The following COX7B2 variants were observed in gnomAD, a reference collection of about 807,000 sequenced individuals.
COX7B2 encodes cytochrome c oxidase subunit 7B2, also known as cytochrome c oxidase subunit 7B2, mitochondrial.
For synonymous variants in COX7B2, 37 were observed against 32.1 expected (o/e 1.15, Z -0.51); for missense variants, 109 against 95.9 (o/e 1.14, Z -0.57).
intron 2 of COX7B2, among the ~76,000 whole-genome samples, chr4:46,819,824 T>A (rs996665432): frequency 3.3e-5 from 5 of 152,256 alleles, no homozygotes; most frequent in Non-Finnish European, 7.3e-5. Flanking sequence ...AGTGTCATTG[T>A]GGCATGGTCA....
chr4:46,842,596 C>T (rs979686826), intron 2 of COX7B2, among the ~76,000 whole-genome samples: 2 of 151,864 alleles, frequency 1.3e-5, no homozygotes, highest in African/African-American at 4.8e-5. Flanking sequence ...GTTCCCCTTC[C>T]TGTGTCCATG....
chr4:46,879,423 A>G (rs1400659151), intron 1 of COX7B2, among the ~76,000 whole-genome samples: 1 of 151,324 alleles, frequency 6.6e-6, no homozygotes, highest in African/African-American at 2.4e-5. Flanking sequence ...AAAGTTTTTC[A>G]TAGGGATGGG....
chr4:46,779,624 A>G (rs1717334342), intron 2 of COX7B2, among the ~76,000 whole-genome samples: 1 of 152,154 alleles, frequency 6.6e-6, no homozygotes, highest in Admixed American at 6.5e-5. Context: ...CAATGGCTGC[A>G]CCAATCTACA....
At chr4:46,797,854 C>T (rs774419098) in intron 2 of COX7B2, among the ~76,000 whole-genome samples, 8 of 152,082 alleles carry the variant, frequency 5.3e-5, no homozygotes, top group South Asian at 2.1e-4. Context: ...GGTATGAAGC[C>T]GTTGATCTGA....
intron 2 of COX7B2, among the ~76,000 whole-genome samples, chr4:46,751,991 C>A (rs1490176979): frequency 1.3e-5 from 2 of 152,090 alleles, no homozygotes; most frequent in Admixed American, 1.3e-4. Flanking sequence ...GGCATTGAAT[C>A]TATAAGTTAC....
chr4:46,740,960 G>A (rs1306132647), intron 2 of COX7B2, among the ~76,000 whole-genome samples: 1 of 152,046 alleles, frequency 6.6e-6, no homozygotes, highest in Non-Finnish European at 1.5e-5. Context: ...ACCGAATACT[G>A]AAAGGTCAAA....
chr4:46,778,428 G>A (rs937149562), intron 2 of COX7B2, among the ~76,000 whole-genome samples: 1 of 152,010 alleles, frequency 6.6e-6, no homozygotes, highest in Non-Finnish European at 1.5e-5. Context: ...TTTTCTTATG[G>A]TAACACTGCA....
intron 2 of COX7B2, among the ~76,000 whole-genome samples, chr4:46,773,781 C>A (rs1302211826): frequency 6.6e-6 from 1 of 152,100 alleles, no homozygotes; most frequent in Non-Finnish European, 1.5e-5. Flanking sequence ...GACTTAATTT[C>A]TAAAATACAG....
chr4:46,839,923 T>C (rs1323045025), intron 2 of COX7B2, among the ~76,000 whole-genome samples: 1 of 152,046 alleles, frequency 6.6e-6, no homozygotes, highest in Non-Finnish European at 1.5e-5. Flanking sequence ...TACCATTAAC[T>C]TTTAATGCAT....
At chr4:46,818,509 C>A (rs567094040) in intron 2 of COX7B2, among the ~76,000 whole-genome samples, 1 of 151,852 alleles carries the variant, frequency 6.6e-6, no homozygotes, top group African/African-American at 2.4e-5. Context: ...TGGTGGCGAG[C>A]GCCTGTAGTC....
intron 2 of COX7B2, among the ~76,000 whole-genome samples, chr4:46,801,285 T>C (rs1718642045): frequency 6.6e-6 from 1 of 152,100 alleles, no homozygotes; most frequent in African/African-American, 2.4e-5. Flanking sequence ...TATGCACACA[T>C]ATGTTTATCA....
At chr4:46,809,325 T>C (rs1375080448) in intron 2 of COX7B2, among the ~76,000 whole-genome samples, 1 of 151,802 alleles carries the variant, frequency 6.6e-6, no homozygotes, top group African/African-American at 2.4e-5. Context: ...TTCCTTCTTC[T>C]AGTTTGTTCT....
chr4:46,781,712 G>A (rs932342608), intron 2 of COX7B2, among the ~76,000 whole-genome samples: 6 of 152,212 alleles, frequency 3.9e-5, no homozygotes, highest in South Asian at 2.1e-4. Context: ...GGCTGCGCCT[G>A]GCGCTCACCA....
chr4:46,809,114 C>T (rs1335376895), intron 2 of COX7B2, among the ~76,000 whole-genome samples: 8 of 151,754 alleles, frequency 5.3e-5, no homozygotes, highest in East Asian at 1.9e-4. Context: ...TTTAATTGTT[C>T]GTAATAGTTC....
At chr4:46,812,141 G>A (rs1462462676) in intron 2 of COX7B2, among the ~76,000 whole-genome samples, 1 of 152,062 alleles carries the variant, frequency 6.6e-6, no homozygotes, top group Non-Finnish European at 1.5e-5. Flanking sequence ...GGACACATAT[G>A]CTTGGAACAG....
intron 1 of COX7B2, among the ~76,000 whole-genome samples, chr4:46,866,199 G>T (rs1717652976): frequency 6.6e-6 from 1 of 152,204 alleles, no homozygotes; most frequent in Non-Finnish European, 1.5e-5. Context: ...GCAACTGCCT[G>T]ATTTAGGAAG....
At chr4:46,783,742 A>AAGGGC (rs934234158) in intron 2 of COX7B2, among the ~76,000 whole-genome samples, 7 of 152,200 alleles carry the variant, frequency 4.6e-5, no homozygotes, top group African/African-American at 1.7e-4. Flanking sequence ...ACAAAAAGGG[A>AAGGGC]AGGGCAGGGC....
intron 2 of COX7B2, among the ~76,000 whole-genome samples, chr4:46,815,579 TTAAAAA>T (rs1417045455): frequency 3.3e-5 from 5 of 152,158 alleles, no homozygotes; most frequent in Non-Finnish European, 5.9e-5. Context: ...TTTCAACAAA[TTAAAAA>T]TAATCTGTAT....
At chr4:46,754,712 G>A (rs1305256195) in intron 2 of COX7B2, among the ~76,000 whole-genome samples, 1 of 22,038 alleles carries the variant, frequency 4.5e-5, no homozygotes, top group Admixed American at 7.7e-4. Flanking sequence ...GTGTGTGTGT[G>A]TGTGTGTGTG....
Sources: allele counts gnomAD v4.1 joint callset (sites outside exome capture counted in the v4.1 genomes callset), GRCh38; gene constraint gnomAD v4.1.1; transcripts MANE v1.5; gene names NCBI Gene and HGNC (gene_info 2026-07-23, HGNC 2026-07-21).